The following PAPPA variants were observed in gnomAD, a reference collection of about 807,000 sequenced individuals.
PAPPA encodes the protein pappalysin-1.
A neutral mutation model predicts 164.0 loss-of-function variants in PAPPA; 60 were observed. The ratio of observed to expected loss-of-function variants is 0.37; its 90% confidence interval spans 0.30 to 0.45. PAPPA has a LOEUF of 0.45. Ranked by LOEUF, PAPPA falls within the 20% of genes least tolerant of loss-of-function variation. PAPPA has a pLI of 1.00. For synonymous variants in PAPPA, 875 were observed against 814.1 expected (o/e 1.07, Z -1.27); for missense variants, 1,782 against 2,087.3 (o/e 0.85, Z 2.85).
chr9:116,291,337 T>C (rs181702148), intron 9 of PAPPA, among the ~76,000 whole-genome samples: 1,536 of 152,216 alleles, frequency 0.01, 16 homozygotes, highest in South Asian at 0.036. Context: ...TGATGTCTCA[T>C]AGGAAAAAAA....
At chr9:116,254,290 A>G (rs1012724112) in intron 7 of PAPPA, among the ~76,000 whole-genome samples, 8 of 152,244 alleles carry the variant, frequency 5.3e-5, no homozygotes, top group Non-Finnish European at 1.2e-4. Flanking sequence ...AAGTGTAAGC[A>G]TACCTAAAAC....
intron 1 of PAPPA, among the ~76,000 whole-genome samples, chr9:116,184,163 A>G (rs1460392624): frequency 6.6e-6 from 1 of 152,218 alleles, no homozygotes; most frequent in Non-Finnish European, 1.5e-5. Flanking sequence ...TGGGAAGGAC[A>G]TGAATGTCAT....
intron 17 of PAPPA, among the ~76,000 whole-genome samples, chr9:116,362,361 T>C (rs945499192): frequency 1.6e-4 from 25 of 152,308 alleles, no homozygotes; most frequent in Non-Finnish European, 2.9e-4. Context: ...CTGGAAAGCC[T>C]TGAACAAGTT....
At chr9:116,161,710 A>G (rs540189408) in intron 1 of PAPPA, among the ~76,000 whole-genome samples, 274 of 130,886 alleles carry the variant, frequency 2.1e-3, no homozygotes, top group Non-Finnish European at 3.1e-3. Flanking sequence ...AAAGCTCCAG[A>G]AAAAAAAAAA....
At chr9:116,248,715 G>C (rs568588765) in intron 7 of PAPPA, among the ~76,000 whole-genome samples, 16 of 152,276 alleles carry the variant, frequency 1.1e-4, no homozygotes, top group Middle Eastern at 3.4e-3. Flanking sequence ...TATCTGCCAT[G>C]TTATTCTCTA....
intron 9 of PAPPA, among the ~76,000 whole-genome samples, chr9:116,298,635 G>T (rs1292086501): frequency 6.6e-6 from 1 of 152,184 alleles, no homozygotes; most frequent in Non-Finnish European, 1.5e-5. Context: ...ACTGTATTTG[G>T]TTGAGAGTAT....
chr9:116,398,948 G>T lies in PAPPA; in HGVS notation c.*2332G>T, dbSNP rs1185870669. Reference sequence around the variant, plus strand: ...CTCTTGCCCTGAGTTATCAGCCTGTGTGGTGTTAACTACCTTAGAAGGTAC... The same window carrying T: ...CTCTTGCCCTGAGTTATCAGCCTGTTTGGTGTTAACTACCTTAGAAGGTAC... On this transcript the variant is annotated 3_prime_UTR_variant, in exon 22 of 22. Transcript: ENST00000328252. 4 of 325,032 alleles carry T rather than the reference G, an allele frequency of 1.2e-5. No individual in the cohort carries two copies. The highest frequency in any genetic ancestry group is 2.4e-5 in the Non-Finnish European group (4 of 166,752). 20.1% of individuals were successfully genotyped at this position (325,032 alleles called of 1,614,324 possible).
At chr9:116,265,570 A>G (rs1845057579) in intron 7 of PAPPA, among the ~76,000 whole-genome samples, 1 of 152,206 alleles carries the variant, frequency 6.6e-6, no homozygotes, top group Non-Finnish European at 1.5e-5. Context: ...TACTTTTCCA[A>G]CAGGGTTGCT....
intron 14 of PAPPA, among the ~76,000 whole-genome samples, chr9:116,345,456 T>C (rs1371474881): frequency 6.8e-6 from 1 of 146,446 alleles, no homozygotes; most frequent in Non-Finnish European, 1.5e-5. Flanking sequence ...AAAAAAAACA[T>C]GCCACAGATT....
intron 14 of PAPPA, among the ~76,000 whole-genome samples, chr9:116,346,645 T>A (rs1311564417): frequency 6.6e-6 from 1 of 152,194 alleles, no homozygotes; most frequent in Non-Finnish European, 1.5e-5. Flanking sequence ...GTCTGTTTTG[T>A]GAAAGAAGTC....
chr9:116,357,248 A>G (rs984736595), intron 17 of PAPPA, among the ~76,000 whole-genome samples: 4 of 152,254 alleles, frequency 2.6e-5, no homozygotes, highest in African/African-American at 9.6e-5. Context: ...GTTAACTTTT[A>G]TTTAATTTGA....
intron 1 of PAPPA, among the ~76,000 whole-genome samples, chr9:116,184,000 C>T (rs1185360666): frequency 6.6e-6 from 1 of 151,726 alleles, no homozygotes; most frequent in Non-Finnish European, 1.5e-5. Flanking sequence ...GAGCCCCTGG[C>T]AAAATAAAAA....
At chr9:116,310,865 A>T (rs987765144) in intron 10 of PAPPA, among the ~76,000 whole-genome samples, 1 of 151,930 alleles carries the variant, frequency 6.6e-6, no homozygotes, top group Non-Finnish European at 1.5e-5. Context: ...CTTTGCCCCC[A>T]CCCCAGTTTT....
intron 1 of PAPPA, among the ~76,000 whole-genome samples, chr9:116,160,200 G>C (rs1043221390): frequency 6.6e-6 from 1 of 152,228 alleles, no homozygotes; most frequent in African/African-American, 2.4e-5. Context: ...GAGCTGGGTA[G>C]TAGCTAAGCA....
chr9:116,300,340 T>G (rs1845565152), intron 9 of PAPPA, among the ~76,000 whole-genome samples: 1 of 152,120 alleles, frequency 6.6e-6, no homozygotes, highest in Non-Finnish European at 1.5e-5. Context: ...TGCAGTGGTG[T>G]GATCACTACT....
chr9:116,253,732 G>C (rs1212237087), intron 7 of PAPPA, among the ~76,000 whole-genome samples: 1 of 152,174 alleles, frequency 6.6e-6, no homozygotes, highest in African/African-American at 2.4e-5. Flanking sequence ...TGAATATTAA[G>C]AAATAAATTC....
chr9:116,158,448 C>T (rs1382235485), intron 1 of PAPPA, among the ~76,000 whole-genome samples: 1 of 152,160 alleles, frequency 6.6e-6, no homozygotes, highest in African/African-American at 2.4e-5. Context: ...GGAATCTCTG[C>T]CCCTAACTAA....
chr9:116,242,911 G>C (rs1844752843), intron 7 of PAPPA, among the ~76,000 whole-genome samples: 1 of 152,118 alleles, frequency 6.6e-6, no homozygotes, highest in Non-Finnish European at 1.5e-5. Context: ...TGACATTTCT[G>C]TTATGTGCTC....
chr9:116,362,682 G>C lies in PAPPA; in HGVS notation c.4438G>C (p.Val1480Leu). 6.2e-7 allele frequency: 1 copy of C among 1,614,112 alleles called. No homozygotes were observed. The highest frequency in any genetic ancestry group is 1.1e-5 in the South Asian group (1 of 91,062). Residue 1480 changes from valine to leucine, a missense_variant, in exon 18 of 22, where the codon GTT becomes CTT. Val to Leu is a conservative substitution (Grantham distance 32, BLOSUM62 1). This residue lies in a region of PAPPA where 1,324 missense variants were observed against 1,656.9 expected (regional missense o/e 0.80). Coordinates refer to ENST00000328252, the MANE Select transcript of PAPPA (RefSeq NM_002581.5). ...VCQEMQGQCS[V>L]PNELNSNLKL... Reference sequence around the variant, plus strand: ...CCAGGAGATGCAAGGCCAGTGCTCGGTTCCAAACGAGCTCAACAGCAACCT... The same window carrying C: ...CCAGGAGATGCAAGGCCAGTGCTCGCTTCCAAACGAGCTCAACAGCAACCT...
Sources: allele counts gnomAD v4.1 joint callset (sites outside exome capture counted in the v4.1 genomes callset), GRCh38; gene constraint gnomAD v4.1.1; regional missense constraint gnomAD v4.1.1; transcripts MANE v1.5; gene names NCBI Gene and HGNC (gene_info 2026-07-23, HGNC 2026-07-21).